The following PPARGC1A variants were observed in gnomAD, a reference collection of about 807,000 sequenced individuals.
The protein encoded by PPARGC1A is PPARG coactivator 1 alpha, also known as peroxisome proliferator-activated receptor gamma coactivator 1-alpha.
A neutral mutation model predicts 88.7 loss-of-function variants in PPARGC1A; 25 were observed. The observed-to-expected ratio is 0.28, with a 90% CI of 0.21 to 0.39. The LOEUF is 0.39. Ranked by LOEUF, PPARGC1A falls within the 10% of genes least tolerant of loss-of-function variation. PPARGC1A has a pLI of 1.00. For synonymous variants in PPARGC1A, 363 were observed against 355.6 expected (o/e 1.02, Z -0.24); for missense variants, 880 against 968.7 (o/e 0.91, Z 1.22).
At chr4:23,932,017 G>A in the PPARGC1A span, among the ~76,000 whole-genome samples, 11 of 152,288 alleles carry the variant, frequency 7.2e-5, no homozygotes, top group African/African-American at 2.2e-4. Context: ...AAATAATCAG[G>A]CACATGGTAG....
the PPARGC1A span, among the ~76,000 whole-genome samples, chr4:24,253,056 T>C: frequency 6.6e-6 from 1 of 152,138 alleles, no homozygotes. Context: ...AGAAAAATAA[T>C]GGTCAAGGGA....
At chr4:23,937,357 C>G in the PPARGC1A span, among the ~76,000 whole-genome samples, 1 of 152,112 alleles carries the variant, frequency 6.6e-6, no homozygotes, top group Admixed American at 6.6e-5. Flanking sequence ...CTGATCCCGT[C>G]TGTACCAGGA....
the PPARGC1A span, among the ~76,000 whole-genome samples, chr4:23,964,182 C>T: frequency 6.6e-6 from 1 of 152,150 alleles, no homozygotes; most frequent in Non-Finnish European, 1.5e-5. Flanking sequence ...TGCAACAACT[C>T]CAAGAGGTAG....
chr4:23,973,927 G>A, the PPARGC1A span, among the ~76,000 whole-genome samples: 1 of 151,630 alleles, frequency 6.6e-6, no homozygotes, highest in Non-Finnish European at 1.5e-5. Flanking sequence ...AGGAAAACTA[G>A]CTCTTGAGGC....
intron 2 of PPARGC1A, among the ~76,000 whole-genome samples, chr4:23,845,772 A>C (rs1037827971): frequency 2.0e-5 from 3 of 152,244 alleles, no homozygotes; most frequent in African/African-American, 7.2e-5. Flanking sequence ...TGAGAAGTTC[A>C]TCTTCTCAAT....
the PPARGC1A span, among the ~76,000 whole-genome samples, chr4:24,414,424 G>T: frequency 2.0e-5 from 3 of 152,128 alleles, no homozygotes. Context: ...TAGGGGCAAA[G>T]GATGAACTAT....
chr4:24,373,842 T>A, the PPARGC1A span, among the ~76,000 whole-genome samples: 1 of 152,228 alleles, frequency 6.6e-6, no homozygotes, highest in Non-Finnish European at 1.5e-5. Flanking sequence ...CTTTCTGTGT[T>A]GACACTGGCT....
At chr4:24,303,017 G>A in the PPARGC1A span, among the ~76,000 whole-genome samples, 2 of 152,200 alleles carry the variant, frequency 1.3e-5, no homozygotes, top group African/African-American at 2.4e-5. Context: ...GTAAAAGGAA[G>A]TATCCCTTCC....
the PPARGC1A span, among the ~76,000 whole-genome samples, chr4:24,100,815 C>T: frequency 2.0e-5 from 3 of 152,016 alleles, no homozygotes; most frequent in Non-Finnish European, 4.4e-5. Flanking sequence ...TTTTTTTCTT[C>T]CCAGGAAAGC....
chr4:24,168,796 C>CATAT, the PPARGC1A span, among the ~76,000 whole-genome samples: 3 of 152,142 alleles, frequency 2.0e-5, no homozygotes, highest in Admixed American at 2.0e-4. Flanking sequence ...TCCATGAGTC[C>CATAT]ATACTGATAT....
At chr4:24,193,161 C>T in the PPARGC1A span, among the ~76,000 whole-genome samples, 5 of 152,148 alleles carry the variant, frequency 3.3e-5, no homozygotes, top group East Asian at 9.6e-4. Context: ...TGGATGCCTT[C>T]TGATTTTCTT....
At chr4:23,888,607 G>A (rs754762779) in intron 1 of PPARGC1A, among the ~76,000 whole-genome samples, 8 of 152,122 alleles carry the variant, frequency 5.3e-5, no homozygotes, top group Non-Finnish European at 1.2e-4. Context: ...ATCAGAACAA[G>A]ATAACAATTA....
the PPARGC1A span, among the ~76,000 whole-genome samples, chr4:24,107,889 A>C: frequency 6.6e-6 from 1 of 152,216 alleles, no homozygotes; most frequent in African/African-American, 2.4e-5. Flanking sequence ...TAGATGCTGC[A>C]TAGAGATTAA....
At chr4:24,384,558 C>CAA in the PPARGC1A span, among the ~76,000 whole-genome samples, 92 of 53,936 alleles carry the variant, frequency 1.7e-3, no homozygotes, top group African/African-American at 4.4e-3. Flanking sequence ...AAATGGAAAG[C>CAA]AAAAAAAAAA....
chr4:24,397,526 G>A, the PPARGC1A span, among the ~76,000 whole-genome samples: 1 of 152,130 alleles, frequency 6.6e-6, no homozygotes, highest in Non-Finnish European at 1.5e-5. Context: ...AATGTAAGTG[G>A]GAATGAGGGG....
the PPARGC1A span, among the ~76,000 whole-genome samples, chr4:24,180,159 AC>A: frequency 6.6e-6 from 1 of 152,222 alleles, no homozygotes; most frequent in African/African-American, 2.4e-5. Context: ...AACATGTATA[AC>A]ATTACATTTT....
intron 2 of PPARGC1A, among the ~76,000 whole-genome samples, chr4:23,836,072 C>T (rs1213889051): frequency 2.6e-5 from 4 of 152,154 alleles, no homozygotes; most frequent in South Asian, 2.1e-4. Flanking sequence ...TTCAAAGACT[C>T]GGCTCTGATA....
chr4:24,422,951 A>T, the PPARGC1A span, among the ~76,000 whole-genome samples: 1 of 152,230 alleles, frequency 6.6e-6, no homozygotes, highest in African/African-American at 2.4e-5. Flanking sequence ...AGGTGGGAAG[A>T]CATAGACACC....
At chr4:24,435,241 G>A in the PPARGC1A span, among the ~76,000 whole-genome samples, 1 of 152,134 alleles carries the variant, frequency 6.6e-6, no homozygotes, top group African/African-American at 2.4e-5. Flanking sequence ...TGAAGCACCT[G>A]GAACTCATCC....
Sources: gnomAD v4.1 joint callset for allele counts (sites outside exome capture counted in the v4.1 genomes callset) on GRCh38, gnomAD v4.1.1 for gene constraint, MANE v1.5 for transcripts, NCBI Gene and HGNC (gene_info 2026-07-23, HGNC 2026-07-21) for gene names.